Variants in ATAD2B observed in about 807,000 individuals in gnomAD.
ATAD2B encodes the protein ATPase family AAA domain containing 2B.
Under a neutral mutation model 167.6 loss-of-function variants are expected in ATAD2B, and 40 were observed. The ratio of observed to expected loss-of-function variants is 0.24; its 90% confidence interval spans 0.19 to 0.31. The LOEUF (loss-of-function observed/expected upper bound fraction) is 0.31, where lower values mean the gene tolerates loss of function less well. Among genes scored for constraint, ATAD2B ranks in the 10% least tolerant of loss-of-function variants. ATAD2B has a pLI of 1.00. For missense variants in ATAD2B, 1,242 were observed against 1,757.2 expected (o/e 0.71, Z 5.24); for synonymous variants, 579 against 596.5 (o/e 0.97, Z 0.43).
intron 27 of ATAD2B, among the ~76,000 whole-genome samples, 190 bp downstream of exon 27, chr2:23,753,989 G>T (rs1391420203): frequency 6.6e-6 from 1 of 152,092 alleles, no homozygotes; most frequent in Non-Finnish European, 1.5e-5. Context: ...TCTTTCCAGA[G>T]ACAAAATGGT....
intron 1 of ATAD2B, among the ~76,000 whole-genome samples, chr2:23,917,169 C>CTGAA (rs368307167): frequency 1.8e-4 from 27 of 152,302 alleles, no homozygotes; most frequent in Middle Eastern, 3.4e-3. Flanking sequence ...TCGATATTTA[C>CTGAA]TGAATGAATG....
chr2:23,795,753 T>C (rs913428301), intron 19 of ATAD2B, among the ~76,000 whole-genome samples: 2 of 151,390 alleles, frequency 1.3e-5, no homozygotes, highest in Non-Finnish European at 2.9e-5. Flanking sequence ...ATGGCAGGTG[T>C]CTGTAATCCC....
intron 1 of ATAD2B, among the ~76,000 whole-genome samples, chr2:23,919,672 A>C (rs1703610396): frequency 6.6e-6 from 1 of 151,406 alleles, no homozygotes; most frequent in African/African-American, 2.4e-5. Context: ...GTGAAACCCC[A>C]TCTCTTCTAA....
intron 20 of ATAD2B, 149 bp downstream of exon 20, chr2:23,788,363 T>C (rs1203699082): frequency 2.4e-6 from 2 of 842,146 alleles, no homozygotes; most frequent in African/African-American, 3.4e-5. Flanking sequence ...GTGAACACAA[T>C]GGACACTTCC....
chr2:23,795,888 A>C (rs1682536965), intron 19 of ATAD2B, among the ~76,000 whole-genome samples: 3 of 150,714 alleles, frequency 2.0e-5, no homozygotes, highest in Non-Finnish European at 4.4e-5. Context: ...CAAAAAAAAA[A>C]AAGAAAAAAG....
chr2:23,844,652 T>G (rs1297246865), intron 13 of ATAD2B, among the ~76,000 whole-genome samples: 3 of 152,092 alleles, frequency 2.0e-5, no homozygotes, highest in Admixed American at 6.5e-5. Context: ...ATTAGTGAAC[T>G]AAAACTCACA....
At chr2:23,783,587 C>T (rs976838750) in intron 21 of ATAD2B, among the ~76,000 whole-genome samples, 6 of 152,092 alleles carry the variant, frequency 3.9e-5, no homozygotes, top group African/African-American at 1.2e-4. Flanking sequence ...CTAACCAGTA[C>T]GAGATCTGCT....
chr2:23,706,592 C>A, the ATAD2B span: 1 of 1,537,158 alleles, frequency 6.5e-7, no homozygotes, highest in Non-Finnish European at 8.7e-7. Context: ...CATGGACCCT[C>A]CTCCCCCACA....
intron 1 of ATAD2B, among the ~76,000 whole-genome samples, chr2:23,923,009 AT>A (rs2150709867): frequency 6.6e-6 from 1 of 152,326 alleles, no homozygotes; most frequent in Non-Finnish European, 1.5e-5. Flanking sequence ...ACTTCTGGGT[AT>A]TTATCCAAAG....
chr2:23,799,190 A>G (rs1683068174), intron 18 of ATAD2B, among the ~76,000 whole-genome samples: 1 of 152,184 alleles, frequency 6.6e-6, no homozygotes, highest in Admixed American at 6.5e-5. Flanking sequence ...TCTTTCTTCC[A>G]TTTTGAGAAT....
chr2:23,706,744 C>A, the ATAD2B span: 5 of 1,039,972 alleles, frequency 4.8e-6, no homozygotes, highest in African/African-American at 6.5e-5. Context: ...TCCAGCGACA[C>A]CAACAAGAGG....
chr2:23,914,643 T>C (rs1702773535), intron 1 of ATAD2B, among the ~76,000 whole-genome samples: 1 of 151,656 alleles, frequency 6.6e-6, no homozygotes, highest in Admixed American at 6.6e-5. Flanking sequence ...ATCGAGACCA[T>C]CCTGGCTAAC....
chr2:23,708,723 A>ATGAT, the ATAD2B span: 1 of 152,336 alleles, frequency 6.6e-6, no homozygotes, highest in Non-Finnish European at 1.5e-5. Context: ...GCAGAACTTA[A>ATGAT]TGATTAGAAA....
the ATAD2B span, among the ~76,000 whole-genome samples, chr2:23,735,070 T>A: frequency 6.6e-6 from 1 of 152,214 alleles, no homozygotes; most frequent in Non-Finnish European, 1.5e-5. Context: ...TATTTTCATG[T>A]CATGGTACTG....
At chr2:23,761,444 G>T (rs530927769) in intron 24 of ATAD2B, among the ~76,000 whole-genome samples, 67 of 152,232 alleles carry the variant, frequency 4.4e-4, no homozygotes, top group Non-Finnish European at 7.4e-4. Flanking sequence ...TTGGATTAGG[G>T]ATGCAGAACC....
chr2:23,850,353 T>C (rs574230806), intron 13 of ATAD2B, among the ~76,000 whole-genome samples: 46 of 152,262 alleles, frequency 3.0e-4, no homozygotes, highest in African/African-American at 1.0e-3. Context: ...AGTGAATACA[T>C]GTCAAAAACT....
chr2:23,912,060 T>C (rs184491808), intron 1 of ATAD2B, among the ~76,000 whole-genome samples: 1 of 150,952 alleles, frequency 6.6e-6, no homozygotes, highest in African/African-American at 2.4e-5. Context: ...GCAGAATACA[T>C]ATTCTTTTCC....
chr2:23,923,042 C>T (rs890869102), intron 1 of ATAD2B, among the ~76,000 whole-genome samples: 43 of 152,264 alleles, frequency 2.8e-4, no homozygotes, highest in African/African-American at 1.0e-3. Context: ...AGGATTTCGA[C>T]GGACATCTGC....
At chr2:23,889,133 G>A (rs1377407252) in intron 2 of ATAD2B, among the ~76,000 whole-genome samples, 12 of 152,098 alleles carry the variant, frequency 7.9e-5, no homozygotes, top group South Asian at 4.1e-4. Flanking sequence ...CTAGGGAAAG[G>A]ACATCCAGAA....
Sources: gnomAD v4.1 joint callset for allele counts (sites outside exome capture counted in the v4.1 genomes callset) on GRCh38, gnomAD v4.1.1 for gene constraint, MANE v1.5 for transcripts, NCBI Gene and HGNC (gene_info 2026-07-23, HGNC 2026-07-21) for gene names.